SCAPER: variants seen among roughly 807,000 people sequenced by gnomAD.
SCAPER encodes S phase cyclin A-associated protein in the endoplasmic reticulum.
A neutral mutation model predicts 182.2 loss-of-function variants in SCAPER; 98 were observed. The ratio of observed to expected loss-of-function variants is 0.54; its 90% CI spans 0.46 to 0.64. SCAPER has a LOEUF of 0.64. Among genes scored for constraint, SCAPER ranks in the 30% least tolerant of loss-of-function variants. SCAPER has a pLI of 0.00. For missense variants in SCAPER, 1,432 were observed against 1,690.0 expected (o/e 0.85, Z 2.68); for synonymous variants, 605 against 564.6 (o/e 1.07, Z -1.01).
intron 22 of SCAPER, among the ~76,000 whole-genome samples, chr15:76,620,721 A>G (rs899820617): frequency 1.3e-5 from 2 of 152,190 alleles, no homozygotes; most frequent in Admixed American, 1.3e-4. Context: ...AAGTACCAGT[A>G]AAAGAGTCAT....
chr15:76,871,026 A>C (rs1485488432), intron 2 of SCAPER, among the ~76,000 whole-genome samples: 1 of 152,232 alleles, frequency 6.6e-6, no homozygotes, highest in Non-Finnish European at 1.5e-5. Context: ...GACATTCTAT[A>C]AGAAATAATA....
At chr15:76,748,279 C>G (rs548756843) in intron 15 of SCAPER, among the ~76,000 whole-genome samples, 1 of 152,030 alleles carries the variant, frequency 6.6e-6, no homozygotes, top group Non-Finnish European at 1.5e-5. Flanking sequence ...CGTGAGCCAC[C>G]GCGCCTGGCC....
intron 22 of SCAPER, among the ~76,000 whole-genome samples, chr15:76,589,144 G>A (rs1257401576): frequency 1.3e-5 from 2 of 152,156 alleles, no homozygotes; most frequent in African/African-American, 2.4e-5. Flanking sequence ...TGGACTCTGT[G>A]AGGGTCCTTA....
chr15:76,855,336 G>A (rs1161285593), intron 4 of SCAPER, among the ~76,000 whole-genome samples: 1 of 151,726 alleles, frequency 6.6e-6, no homozygotes, highest in Non-Finnish European at 1.5e-5. Flanking sequence ...GAAGACAACT[G>A]GCAATACCAT....
intron 20 of SCAPER, among the ~76,000 whole-genome samples, chr15:76,669,375 C>T (rs55676827): frequency 0.43 from 58,063 of 134,388 alleles, 13,097 homozygotes; most frequent in Middle Eastern, 0.6. Flanking sequence ...TACACACATA[C>T]AAAAAAACTT....
At chr15:76,810,460 A>G (rs1374795010) in intron 5 of SCAPER, among the ~76,000 whole-genome samples, 1 of 151,346 alleles carries the variant, frequency 6.6e-6, no homozygotes, top group African/African-American at 2.4e-5. Context: ...TATTTTACAT[A>G]AGCACCCTGG....
rs1241432174 is a variant in SCAPER, at chr15:76,479,059, A to G, written c.2955-7724T>C. Among the ~76,000 whole-genome samples the G allele has an allele frequency of 2.6e-5, 4 of 152,294 alleles. No homozygotes were observed. The East Asian group carries it at 7.7e-4, about 29-fold the overall frequency. ...CCTAATGCCCTCTGTGCTTTACATTATATAGAAAAGTCATTTATGGGTAAA... is the reference window on the plus strand; with the variant it reads ...CCTAATGCCCTCTGTGCTTTACATTGTATAGAAAAGTCATTTATGGGTAAA... On this transcript the variant is annotated intron_variant, in intron 24 of 31. Transcript: ENST00000563290.
intron 17 of SCAPER, among the ~76,000 whole-genome samples, chr15:76,717,639 T>C (rs2059960375): frequency 6.6e-6 from 1 of 152,268 alleles, no homozygotes; most frequent in South Asian, 2.1e-4. Context: ...CAGTATAAGA[T>C]GTTTGGATAA....
chr15:76,688,659 G>T (rs1405555864), intron 20 of SCAPER, among the ~76,000 whole-genome samples: 1 of 151,998 alleles, frequency 6.6e-6, no homozygotes, highest in Admixed American at 6.6e-5. Context: ...TGGCTAGCCA[G>T]TTTTCCCAAC....
rs759931479 is a variant in SCAPER, at chr15:76,381,514, A to G, written c.3569T>C (p.Val1190Ala). Residue 1190 changes from valine to alanine, a missense_variant, in exon 28 of 32, where the codon GTC (valine) becomes GCC (alanine). By Grantham distance (64) the Val-to-Ala change is moderately conservative (BLOSUM62 0). Around this residue, in one of 5 missense-constraint regions of SCAPER, gnomAD observed 718 missense variants for 799.7 expected, o/e 0.90. Coordinates refer to ENST00000563290, the MANE Select transcript of SCAPER (RefSeq NM_020843.4). The stretch of plus-strand genomic sequence containing the variant: ...GTCCAAGATGGTGCCATGGAAGAGG[A>G]CACAGTAGAGCATATGAAGAACTCC... ...LAGVLHMLYC[V>A]LFHGTILDPS... The G allele has an allele frequency of 1.9e-6, 3 of 1,613,514 alleles. No homozygotes were observed. Among genetic ancestry groups the G allele is most frequent in the South Asian group, 2.2e-5 (2 of 90,926 alleles).
At chr15:76,521,809 C>T (rs996011445) in intron 23 of SCAPER, among the ~76,000 whole-genome samples, 2 of 152,072 alleles carry the variant, frequency 1.3e-5, no homozygotes, top group Non-Finnish European at 2.9e-5. Context: ...TTTAAAAAAT[C>T]TATTAAATTT....
At chr15:76,511,646 T>C (rs1305527519) in intron 23 of SCAPER, among the ~76,000 whole-genome samples, 2 of 152,110 alleles carry the variant, frequency 1.3e-5, no homozygotes, top group Non-Finnish European at 2.9e-5. Context: ...AAACTGTTCC[T>C]TTTCAGGAAG....
intron 5 of SCAPER, among the ~76,000 whole-genome samples, chr15:76,831,821 G>T (rs2068513991): frequency 6.6e-6 from 1 of 152,102 alleles, no homozygotes; most frequent in African/African-American, 2.4e-5. Flanking sequence ...GAACAAAGCT[G>T]CAGGCCTAGT....
chr15:76,475,702 G>C (rs187840873), intron 24 of SCAPER, among the ~76,000 whole-genome samples: 10 of 152,288 alleles, frequency 6.6e-5, no homozygotes, highest in Non-Finnish European at 1.2e-4. Flanking sequence ...TAAAATCAGA[G>C]TTGCTCTGGC....
intron 29 of SCAPER, among the ~76,000 whole-genome samples, chr15:76,362,117 C>T (rs774713829): frequency 2.6e-5 from 4 of 151,930 alleles, no homozygotes; most frequent in Non-Finnish European, 5.9e-5. Flanking sequence ...GGATTACAGG[C>T]ACCCACCACC....
intron 21 of SCAPER, among the ~76,000 whole-genome samples, chr15:76,633,895 A>G (rs772113518): frequency 6.6e-5 from 10 of 152,302 alleles, no homozygotes; most frequent in African/African-American, 1.4e-4. Flanking sequence ...CAAGCCAGTC[A>G]TTTTAGCTTA....
At chr15:76,357,440 T>C (rs751207907) in intron 29 of SCAPER, among the ~76,000 whole-genome samples, 1 of 152,156 alleles carries the variant, frequency 6.6e-6, no homozygotes, top group Non-Finnish European at 1.5e-5. Flanking sequence ...ATGGCTATTA[T>C]TAAAAAGTCA....
chr15:76,772,609 T>C lies in SCAPER; in HGVS notation c.1036-655A>G, dbSNP rs77268957. Among the ~76,000 whole-genome samples the C allele has an allele frequency of 8.1e-3, 1,226 of 152,062 alleles. 12 individuals carry two copies. The highest frequency in any genetic ancestry group is 0.028 in the African/African-American group (1,163 of 41,544). On this transcript the variant is annotated intron_variant, in intron 9 of 31. Coordinates refer to ENST00000563290, the MANE Select transcript of SCAPER (RefSeq NM_020843.4). ...GTCTCATTATGACATTCATACACTT[T>C]AGATTTAGATATCTTCCCTATTGTC... is the stretch of plus-strand genomic sequence containing the variant.
At chr15:76,450,727 G>T (rs2048318537) in intron 25 of SCAPER, among the ~76,000 whole-genome samples, 1 of 151,950 alleles carries the variant, frequency 6.6e-6, no homozygotes, top group Non-Finnish European at 1.5e-5. Context: ...CTAATTTTTT[G>T]TATTTTTAGT....
Sources: gnomAD v4.1 joint callset for allele counts (sites outside exome capture counted in the v4.1 genomes callset) on GRCh38, gnomAD v4.1.1 for gene constraint, gnomAD v4.1.1 regional missense constraint, MANE v1.5 for transcripts, NCBI Gene and HGNC (gene_info 2026-07-23, HGNC 2026-07-21) for gene names.